The following VPS53 variants were observed in gnomAD, a reference collection of about 807,000 sequenced individuals.
VPS53 encodes VPS53 subunit of GARP complex, also known as vacuolar protein sorting-associated protein 53 homolog.
Under a neutral mutation model 107.0 loss-of-function variants are expected in VPS53, and 70 were observed. That is an observed-to-expected ratio of 0.65 (90% CI 0.54 to 0.80). The LOEUF is 0.80. Ranked by LOEUF, VPS53 falls within the 30% of genes least tolerant of loss-of-function variation. The pLI, the probability that VPS53 is intolerant of heterozygous loss-of-function variation, is 0.00. For synonymous variants in VPS53, 409 were observed against 393.3 expected (o/e 1.04, Z -0.47); for missense variants, 917 against 1,049.4 (o/e 0.87, Z 1.74).
intron 11 of VPS53, among the ~76,000 whole-genome samples, chr17:604,397 T>G (rs1039142718): frequency 1.3e-5 from 2 of 151,974 alleles, no homozygotes; most frequent in African/African-American, 4.8e-5. Flanking sequence ...TAGGAAGAAG[T>G]TGAACCTACT....
intron 13 of VPS53, among the ~76,000 whole-genome samples, chr17:573,306 A>T (rs1277513860): frequency 6.6e-6 from 1 of 152,200 alleles, no homozygotes; most frequent in Admixed American, 6.5e-5. Context: ...TTTGAACATA[A>T]ATAAAAATTG....
chr17:553,959 G>A (rs147974003), intron 15 of VPS53, among the ~76,000 whole-genome samples: 327 of 152,330 alleles, frequency 2.1e-3, no homozygotes, highest in African/African-American at 7.5e-3. Context: ...CAAGATAGAA[G>A]TGGTAGGGCC....
At chr17:553,698 G>C (rs1371093214) in intron 15 of VPS53, among the ~76,000 whole-genome samples, 1 of 151,332 alleles carries the variant, frequency 6.6e-6, no homozygotes, top group Non-Finnish European at 1.5e-5. Flanking sequence ...AGCCTCCCGA[G>C]TAGCTGGGAC....
Position 510,843 on chromosome 17 carries a change from G to A in VPS53, c.*8285C>T, listed in dbSNP as rs1355182640. 6.5e-6 allele frequency: 1 copy of A among 152,676 alleles called. No homozygotes were observed. The highest frequency in any genetic ancestry group is 6.5e-5 in the Admixed American group (1 of 15,286). The allele number at this position is 152,676 out of a possible 1,614,324, so 9.5% of individuals were successfully genotyped here. On this transcript the variant is annotated 3_prime_UTR_variant, in exon 22 of 22. Coordinates refer to ENST00000437048, the MANE Select transcript of VPS53 (RefSeq NM_001128159.3). ...CTCAGCACCCTCCTCTGGCCTCCGA[G>A]CTAGCCAGCTGCTGATCCAAAGCTC... is the stretch of plus-strand genomic sequence containing the variant.
chr17:571,668 G>C (rs562575165), intron 13 of VPS53, among the ~76,000 whole-genome samples: 4 of 152,212 alleles, frequency 2.6e-5, no homozygotes, highest in African/African-American at 4.8e-5. Context: ...TCAGCCTGCC[G>C]AGTGCCTGCG....
chr17:566,723 T>G (rs1913550841), intron 13 of VPS53, among the ~76,000 whole-genome samples: 1 of 151,572 alleles, frequency 6.6e-6, no homozygotes, highest in Non-Finnish European at 1.5e-5. Flanking sequence ...CATGGGTGTT[T>G]TTTTTGTTTT....
At chr17:547,030 C>T (rs1911266758) in intron 17 of VPS53, among the ~76,000 whole-genome samples, 1 of 151,978 alleles carries the variant, frequency 6.6e-6, no homozygotes, top group South Asian at 2.1e-4. Context: ...ACGCACGCTA[C>T]CACACCCGGC....
At chr17:608,898 C>A (rs975105336) in intron 11 of VPS53, among the ~76,000 whole-genome samples, 24 of 151,980 alleles carry the variant, frequency 1.6e-4, no homozygotes, top group Non-Finnish European at 2.8e-4. Context: ...TAGGCATGAG[C>A]CATTATGCCC....
intron 15 of VPS53, among the ~76,000 whole-genome samples, chr17:553,880 C>T (rs1369085994): frequency 3.3e-5 from 5 of 152,034 alleles, no homozygotes; most frequent in African/African-American, 9.7e-5. Context: ...AATCTTACAA[C>T]CTTATGAGGA....
intron 17 of VPS53, chr17:537,476 T>C (rs1459522891): frequency 7.5e-6 from 2 of 268,216 alleles, no homozygotes; most frequent in East Asian, 8.3e-5. Context: ...TCGTAAAGGA[T>C]CCTGTTCTCC....
At chr17:556,753 T>C (rs1912397886) in intron 15 of VPS53, among the ~76,000 whole-genome samples, 1 of 152,202 alleles carries the variant, frequency 6.6e-6, no homozygotes, top group East Asian at 1.9e-4. Context: ...CAAAGTAGAC[T>C]TTCTGGCATG....
At chr17:568,367 G>A (rs1231483292) in intron 13 of VPS53, among the ~76,000 whole-genome samples, 10 of 151,936 alleles carry the variant, frequency 6.6e-5, no homozygotes, top group Admixed American at 6.6e-4. Flanking sequence ...CCAGCCTCCT[G>A]AGTAGCTGGG....
chr17:575,829 C>G (rs1418890279), intron 13 of VPS53, among the ~76,000 whole-genome samples: 4 of 147,034 alleles, frequency 2.7e-5, no homozygotes, highest in Non-Finnish European at 6.0e-5. Flanking sequence ...CTAATGCGTT[C>G]CTAGAAAACT....
intron 4 of VPS53, among the ~76,000 whole-genome samples, chr17:678,003 C>T (rs1033698601): frequency 8.5e-5 from 13 of 152,080 alleles, no homozygotes; most frequent in African/African-American, 3.1e-4. Context: ...TGCCTGTAGT[C>T]CCAGCTACTC....
At chr17:653,732 G>A (rs1971056494) in intron 6 of VPS53, among the ~76,000 whole-genome samples, 1 of 152,256 alleles carries the variant, frequency 6.6e-6, no homozygotes, top group Admixed American at 6.5e-5. Flanking sequence ...CTCATTTGGT[G>A]TGGGGAGGGG....
At chr17:645,809 A>G (rs1241180783) in intron 7 of VPS53, among the ~76,000 whole-genome samples, 1 of 149,528 alleles carries the variant, frequency 6.7e-6, no homozygotes. Context: ...ACTGCCTCCT[A>G]AGGGTCTTAT....
chr17:565,473 T>C (rs1567631402), intron 13 of VPS53, among the ~76,000 whole-genome samples: 1 of 151,564 alleles, frequency 6.6e-6, no homozygotes, highest in African/African-American at 2.4e-5. Context: ...ACAACCACTC[T>C]GCCCTCAAAG....
In VPS53 at chr17:646,058, C is replaced by A. The variant is rs538388411; in HGVS notation, c.608+7233G>T. ...CATCTCGGTGACCGCGTGGCCTCTG[C>A]CTGATAAGGGTCTTATCTTTTCTAA... On this transcript the variant is annotated intron_variant, in intron 7 of 21. Transcript: ENST00000437048. Among the ~76,000 whole-genome samples the A allele has an allele frequency of 1.2e-4, 15 of 126,826 alleles. 4 individuals carry two copies. Among genetic ancestry groups the A allele is most frequent in the Non-Finnish European group, 1.7e-5 (1 of 58,142 alleles). The allele number at this position is 126,826 out of a possible 152,430, so 83.2% of individuals were successfully genotyped here. A position where few individuals can be genotyped will look rare whatever the true frequency, so the allele number is the denominator to read the frequency against.
intron 4 of VPS53, among the ~76,000 whole-genome samples, chr17:664,554 A>G (rs1332373093): frequency 6.6e-6 from 1 of 152,192 alleles, no homozygotes; most frequent in Non-Finnish European, 1.5e-5. Flanking sequence ...CGGAGGCCTC[A>G]AAGCATAAGG....
Sources: allele counts gnomAD v4.1 joint callset (sites outside exome capture counted in the v4.1 genomes callset), GRCh38; gene constraint gnomAD v4.1.1; transcripts MANE v1.5; gene names NCBI Gene and HGNC (gene_info 2026-07-23, HGNC 2026-07-21).